SHROOM3: variants seen among roughly 807,000 people sequenced by gnomAD.
SHROOM3 encodes shroom family member 3.
Under a neutral mutation model 138.6 loss-of-function variants are expected in SHROOM3, and 47 were observed. That is an observed-to-expected ratio of 0.34 (90% CI 0.27 to 0.43). The LOEUF (loss-of-function observed/expected upper bound fraction) is 0.43. SHROOM3 is among the 20% of genes least tolerant of loss of function. The pLI is 1.00. For synonymous variants in SHROOM3, 1,062 were observed against 1,063.3 expected (o/e 1.00, Z 0.02); for missense variants, 2,491 against 2,596.5 (o/e 0.96, Z 0.88).
chr4:76,609,895 T>A (rs979830025), intron 2 of SHROOM3, among the ~76,000 whole-genome samples: 2 of 152,242 alleles, frequency 1.3e-5, no homozygotes, highest in Non-Finnish European at 2.9e-5. Flanking sequence ...CTTATTAGGC[T>A]CGAGTTTAGA....
At chr4:76,570,664 G>A (rs564956699) in intron 2 of SHROOM3, among the ~76,000 whole-genome samples, 7 of 152,274 alleles carry the variant, frequency 4.6e-5, no homozygotes, top group Admixed American at 2.0e-4. Context: ...TTGCAAACTT[G>A]TGGGTTTACA....
At chr4:76,631,259 A>T (rs1484948871) in intron 2 of SHROOM3, among the ~76,000 whole-genome samples, 1 of 127,038 alleles carries the variant, frequency 7.9e-6, no homozygotes, top group African/African-American at 3.1e-5. Context: ...CCCAGGCTGG[A>T]GTGTAGTGGT....
chr4:76,741,425 C>A lies in SHROOM3; in HGVS notation c.3252C>A (p.Ser1084Arg). The change falls in exon 5 of 11, where the codon AGC (serine) becomes AGA (arginine). Residue 1084 changes from serine to arginine, a missense_variant. Physicochemically the swap from Ser to Arg is moderately radical, Grantham distance 110. This residue lies in a region of SHROOM3 where 1,733 missense variants were observed against 1,661.6 expected (regional missense o/e 1.04). Coordinates refer to ENST00000296043, the MANE Select transcript of SHROOM3 (RefSeq NM_020859.4). The surrounding 1 kb of genome is among the most constrained non-coding windows in gnomAD (Gnocchi z 6.2). ...CCGAGCTGAAGCAGTTCCAGCAGAG[C>A]GCCCTGGCGGACTACATCCAGCGCA... Reference protein sequence around the residue: ...SGPELKQFQQSALADYIQRKT... With the variant: ...SGPELKQFQQRALADYIQRKT... The A allele has an allele frequency of 1.3e-6, 2 of 1,593,504 alleles. No homozygotes were observed. Among genetic ancestry groups the A allele is most frequent in the Non-Finnish European group, 1.7e-6 (2 of 1,171,308 alleles).
intron 2 of SHROOM3, among the ~76,000 whole-genome samples, chr4:76,662,945 G>C (rs1718580784): frequency 6.6e-6 from 1 of 151,740 alleles, no homozygotes; most frequent in South Asian, 2.1e-4. Context: ...GGGAGGGAGA[G>C]AGGGAGAGAG....
intron 5 of SHROOM3, among the ~76,000 whole-genome samples, chr4:76,746,818 A>T (rs1578014462): frequency 8.6e-6 from 1 of 115,670 alleles, no homozygotes. Context: ...TATTATTATT[A>T]TTATTATTAT....
intron 2 of SHROOM3, among the ~76,000 whole-genome samples, chr4:76,571,693 T>C (rs1733836131): frequency 6.6e-6 from 1 of 152,224 alleles, no homozygotes; most frequent in Non-Finnish European, 1.5e-5. Context: ...GTTTGTTCTG[T>C]GATTTTATGT....
intron 2 of SHROOM3, among the ~76,000 whole-genome samples, chr4:76,592,450 G>A (rs1734294052): frequency 6.6e-6 from 1 of 152,164 alleles, no homozygotes. Flanking sequence ...ACATAGTCTA[G>A]GATTTAAGGA....
chr4:76,579,750 G>A (rs1378360629), intron 2 of SHROOM3, among the ~76,000 whole-genome samples: 4 of 152,168 alleles, frequency 2.6e-5, no homozygotes, highest in South Asian at 2.1e-4. Flanking sequence ...ATTTGAGTTT[G>A]CCAGCCTTGT....
At chr4:76,606,289 G>A (rs1734619937) in intron 2 of SHROOM3, among the ~76,000 whole-genome samples, 1 of 151,096 alleles carries the variant, frequency 6.6e-6, no homozygotes, top group African/African-American at 2.4e-5. Flanking sequence ...TGGGATTACA[G>A]GTGTGAGCCA....
At chr4:76,547,819 A>G (rs1246041639) in intron 1 of SHROOM3, among the ~76,000 whole-genome samples, 1 of 151,876 alleles carries the variant, frequency 6.6e-6, no homozygotes. Flanking sequence ...AGTCCCAGCT[A>G]CTCGAGACAC....
intron 1 of SHROOM3, among the ~76,000 whole-genome samples, chr4:76,480,101 T>C (rs768261414): frequency 6.6e-6 from 1 of 152,210 alleles, no homozygotes; most frequent in Non-Finnish European, 1.5e-5. Flanking sequence ...AGCATCATAC[T>C]GACAGGATCA....
chr4:76,447,648 A>G (rs926793376), intron 1 of SHROOM3, among the ~76,000 whole-genome samples: 2 of 152,144 alleles, frequency 1.3e-5, no homozygotes, highest in African/African-American at 4.8e-5. Flanking sequence ...TATTTTTTAT[A>G]TTTTTACTTT....
At chr4:76,658,085 T>C (rs750609197) in intron 2 of SHROOM3, among the ~76,000 whole-genome samples, 20 of 152,256 alleles carry the variant, frequency 1.3e-4, no homozygotes, top group Non-Finnish European at 2.2e-4. Flanking sequence ...ACCAAAGTGC[T>C]CTTCCATGCA....
chr4:76,712,948 A>G (rs889031601), intron 3 of SHROOM3, among the ~76,000 whole-genome samples: 1 of 152,234 alleles, frequency 6.6e-6, no homozygotes, highest in Non-Finnish European at 1.5e-5. Context: ...TCTGTAGGCA[A>G]TTGTCACACA....
chr4:76,665,890 C>G (rs1051921853), intron 2 of SHROOM3, among the ~76,000 whole-genome samples: 2 of 152,200 alleles, frequency 1.3e-5, no homozygotes, highest in African/African-American at 4.8e-5. Flanking sequence ...ATCCTGACCC[C>G]ACGCCATACC....
chr4:76,556,519 G>T (rs76768208), intron 2 of SHROOM3, among the ~76,000 whole-genome samples: 2,139 of 152,312 alleles, frequency 0.014, 40 homozygotes, highest in African/African-American at 0.049. Flanking sequence ...AAGTTGAAAA[G>T]CCAGAATAGA....
Position 76,741,925 on chromosome 4 carries a change from A to C in SHROOM3, c.3752A>C (p.Gln1251Pro). ...RSSPATADKR[Q>P]DVLLGQDSGF... The stretch of plus-strand genomic sequence containing the variant: ...TCTCCCGCCACCGCAGACAAGCGCC[A>C]GGTACGTGCAACCAGCAAGTCCTGG... The change falls in exon 5 of 11, where the codon CAG becomes CCG. Residue 1251 changes from glutamine (Q) to proline (P), a missense_variant and splice_region_variant. This residue lies in a region of SHROOM3 where 1,733 missense variants were observed against 1,661.6 expected (regional missense o/e 1.04). Coordinates refer to ENST00000296043, the MANE Select transcript of SHROOM3 (RefSeq NM_020859.4). This position sits in a 1 kb window ranked among gnomAD's most constrained non-coding sequence, Gnocchi z 6.2. 6.2e-7 allele frequency: 1 copy of C among 1,611,840 alleles called. No homozygotes were observed. The highest frequency in any genetic ancestry group is 8.5e-7 in the Non-Finnish European group (1 of 1,179,778).
intron 1 of SHROOM3, among the ~76,000 whole-genome samples, chr4:76,493,529 C>T (rs886457574): frequency 6.6e-6 from 1 of 152,076 alleles, no homozygotes; most frequent in African/African-American, 2.4e-5. Context: ...CTGGGAGGGG[C>T]TGAGTAGGTT....
intron 2 of SHROOM3, among the ~76,000 whole-genome samples, chr4:76,572,678 T>C (rs1474596400): frequency 6.6e-6 from 1 of 152,248 alleles, no homozygotes; most frequent in Admixed American, 6.5e-5. Context: ...TGGCATGTTT[T>C]AGGGGCAGCT....
Sources: gnomAD v4.1 joint callset for allele counts (sites outside exome capture counted in the v4.1 genomes callset) on GRCh38, gnomAD v4.1.1 for gene constraint, gnomAD v4.1.1 regional missense constraint, Gnocchi (gnomAD v3.1) non-coding constraint, MANE v1.5 for transcripts, NCBI Gene and HGNC (gene_info 2026-07-23, HGNC 2026-07-21) for gene names.